The following ARHGEF18 variants were observed in gnomAD, a reference collection of about 807,000 sequenced individuals.
The protein encoded by ARHGEF18 is rho guanine nucleotide exchange factor 18.
A neutral mutation model predicts 155.7 loss-of-function variants in ARHGEF18; 93 were observed. The ratio of observed to expected loss-of-function variants is 0.60; its 90% CI spans 0.50 to 0.71. ARHGEF18 has a LOEUF of 0.71. ARHGEF18 is among the 30% of genes least tolerant of loss of function. The pLI is 0.00. For synonymous variants in ARHGEF18, 742 were observed against 753.1 expected (o/e 0.99, Z 0.24); for missense variants, 1,593 against 1,816.1 (o/e 0.88, Z 2.23).
At chr19:7,416,069 C>A (rs1013691243) in intron 10 of ARHGEF18, among the ~76,000 whole-genome samples, 2 of 152,098 alleles carry the variant, frequency 1.3e-5, no homozygotes, top group African/African-American at 4.8e-5. Flanking sequence ...ACGGTTTTCG[C>A]ATTTGTGTGC....
At chr19:7,409,666 A>C (rs535771178) in intron 10 of ARHGEF18, among the ~76,000 whole-genome samples, 1 of 151,944 alleles carries the variant, frequency 6.6e-6, no homozygotes, top group South Asian at 2.1e-4. Flanking sequence ...CAAACACCTG[A>C]ACTCACACTT....
At chr19:7,419,587 C>T (rs1973231458) in intron 10 of ARHGEF18, among the ~76,000 whole-genome samples, 1 of 152,104 alleles carries the variant, frequency 6.6e-6, no homozygotes, top group Non-Finnish European at 1.5e-5. Context: ...TAGTCTTGCC[C>T]TGAAACCCAC....
At chr19:7,446,353 C>T (rs1325735207) in intron 14 of ARHGEF18, among the ~76,000 whole-genome samples, 1 of 151,774 alleles carries the variant, frequency 6.6e-6, no homozygotes, top group African/African-American at 2.4e-5. Context: ...GCCTGAGCCA[C>T]AGAGCAAGAT....
intron 10 of ARHGEF18, among the ~76,000 whole-genome samples, chr19:7,417,157 G>A (rs926857533): frequency 9.2e-5 from 14 of 151,964 alleles, no homozygotes; most frequent in Admixed American, 6.6e-5. Context: ...TGATCCACCC[G>A]CCTCAGCCAC....
chr19:7,383,723 AGT>A (rs951966708), intron 10 of ARHGEF18, among the ~76,000 whole-genome samples: 30 of 150,992 alleles, frequency 2.0e-4, no homozygotes, highest in African/African-American at 6.8e-4. Flanking sequence ...ACCACACTCC[AGT>A]GTGGCCTCAG....
intron 15 of ARHGEF18, 97 bp downstream of exon 15, chr19:7,447,265 C>T (rs1485111826): frequency 1.5e-5 from 18 of 1,188,970 alleles, no homozygotes; most frequent in South Asian, 1.2e-4. Flanking sequence ...CTGAGGCGGG[C>T]GGATCACAAG....
At chr19:7,416,850 G>A (rs1008587337) in intron 10 of ARHGEF18, among the ~76,000 whole-genome samples, 3 of 151,960 alleles carry the variant, frequency 2.0e-5, no homozygotes, top group Admixed American at 6.6e-5. Flanking sequence ...TGATCCGCTC[G>A]CCTCAGCCTC....
chr19:7,402,418 C>A (rs1038488151), intron 10 of ARHGEF18, among the ~76,000 whole-genome samples: 3 of 152,048 alleles, frequency 2.0e-5, no homozygotes, highest in Non-Finnish European at 4.4e-5. Context: ...GACTCTGTCT[C>A]AAAAAATAAA....
At chr19:7,457,325 A>C (rs561814573) in intron 18 of ARHGEF18, among the ~76,000 whole-genome samples, 1 of 122,904 alleles carries the variant, frequency 8.1e-6, no homozygotes, top group Non-Finnish European at 1.7e-5. Context: ...GCCCGCCCAT[A>C]TGATCTCATT....
intron 10 of ARHGEF18, among the ~76,000 whole-genome samples, chr19:7,385,553 G>C (rs1167147010): frequency 2.0e-5 from 3 of 150,958 alleles, no homozygotes; most frequent in Admixed American, 6.6e-5. Flanking sequence ...ATAGCTCACT[G>C]CAACTCTCAC....
downstream of ARHGEF18, among the ~76,000 whole-genome samples, chr19:7,476,076 C>T (rs746136): frequency 0.038 from 5,719 of 152,254 alleles, 310 homozygotes; most frequent in African/African-American, 0.11. Flanking sequence ...TCTGGGAGGC[C>T]GAGGCAGGCA....
At chr19:7,466,836 A>AAAAAAAAAAAAAAAAGG (rs1555729790) in intron 23 of ARHGEF18, 82 bp from the exon 24 acceptor site, 1 of 1,085,986 alleles carries the variant, frequency 9.2e-7, no homozygotes, top group African/African-American at 1.8e-5. Flanking sequence ...AGTTAAAAAA[A>AAAAAAAAAAAAAAAAGG]AAGAAGAAGA....
At chr19:7,455,472 A>G (rs1975770463) in intron 17 of ARHGEF18, among the ~76,000 whole-genome samples, 1 of 152,196 alleles carries the variant, frequency 6.6e-6, no homozygotes, top group Non-Finnish European at 1.5e-5. Context: ...ATGTGCAGGA[A>G]GCCTTACAGC....
chr19:7,384,726 C>T (rs1474986730), intron 10 of ARHGEF18, among the ~76,000 whole-genome samples: 1 of 149,266 alleles, frequency 6.7e-6, no homozygotes, highest in African/African-American at 2.5e-5. Flanking sequence ...GGGTCTCACT[C>T]TGTTGCCCAG....
chr19:7,385,963 CCCCTCTCT>C (rs1216057576), intron 10 of ARHGEF18, among the ~76,000 whole-genome samples: 20 of 76,422 alleles, frequency 2.6e-4, no homozygotes, highest in African/African-American at 6.4e-4. Flanking sequence ...TCTCTCCCTC[CCCCTCTCT>C]CCCTCTCTCC....
chr19:7,355,546 G>A (rs763825186), intron 1 of ARHGEF18: 68 of 890,428 alleles, frequency 7.6e-5, no homozygotes, highest in East Asian at 2.4e-4. Flanking sequence ...GGCAGTCTCC[G>A]CCCCTCTTAC....
At chr19:7,428,996 G>C (rs919315532) in intron 10 of ARHGEF18, among the ~76,000 whole-genome samples, 1 of 152,230 alleles carries the variant, frequency 6.6e-6, no homozygotes, top group Non-Finnish European at 1.5e-5. Context: ...GTGGTGAGCT[G>C]TAAAGGAAGC....
In ARHGEF18 at chr19:7,460,511, C is replaced by T. The variant is rs149194078; in HGVS notation, c.2452+517C>T. ...ATGTTAACTTTAGAACATCCCACCA[C>T]CCCAGAAAGAAGCCCCGTCCCCCTT... On this transcript the variant is annotated intron_variant, in intron 20 of 28. Coordinates refer to ENST00000668164, the MANE Select transcript of ARHGEF18 (RefSeq NM_001367823.1). Among the ~76,000 whole-genome samples the T allele has an allele frequency of 8.8e-3, 1,340 of 152,040 alleles. 14 individuals are homozygous for T. Among genetic ancestry groups the T allele is most frequent in the African/African-American group, 0.03 (1,249 of 41,446 alleles).
intron 13 of ARHGEF18, among the ~76,000 whole-genome samples, chr19:7,442,271 C>G (rs1234690335): frequency 2.6e-5 from 4 of 151,764 alleles, no homozygotes; most frequent in Non-Finnish European, 1.5e-5. Flanking sequence ...CAGTCTCTCT[C>G]TATTGCCCAG....
Sources: gnomAD v4.1 joint callset for allele counts (sites outside exome capture counted in the v4.1 genomes callset) on GRCh38, gnomAD v4.1.1 for gene constraint, MANE v1.5 for transcripts, NCBI Gene and HGNC (gene_info 2026-07-23, HGNC 2026-07-21) for gene names.